The following PSMA6 variants were observed in gnomAD, a reference collection of about 807,000 sequenced individuals.
PSMA6 encodes the protein proteasome 20S subunit alpha 6, also known as proteasome subunit alpha type-6.
For missense variants in PSMA6, 170 were observed against 294.8 expected, an observed-to-expected ratio of 0.58 and a Z score of 3.10; for synonymous variants, 88 against 97.7, an observed-to-expected ratio of 0.90 and a Z score of 0.59.
intron 1 of PSMA6, among the ~76,000 whole-genome samples, chr14:35,296,989 C>G (rs1294326486): frequency 6.7e-6 from 1 of 149,640 alleles, no homozygotes; most frequent in African/African-American, 2.5e-5. Context: ...ATGACCCCAC[C>G]CCCTTGAGGA....
upstream of PSMA6, among the ~76,000 whole-genome samples, chr14:35,289,024 G>C (rs2138707875): frequency 6.6e-6 from 1 of 152,248 alleles, no homozygotes; most frequent in Middle Eastern, 3.4e-3. Flanking sequence ...TGTGGCTCAA[G>C]ACAATTCTTC....
Position 35,283,712 on chromosome 14 carries a change from A to G in PSMA6, c.19+4994A>G, listed in dbSNP as rs2051392895. ...CTGGGACCGCTGGCACACACCCTATAAGGTGGACACCACCACACCTGGTTA... is the reference window on the plus strand; with the variant it reads ...CTGGGACCGCTGGCACACACCCTATGAGGTGGACACCACCACACCTGGTTA... On this transcript the variant is annotated intron_variant, in intron 1 of 6. Coordinates refer to the PSMA6 transcript ENST00000540871. Among the ~76,000 whole-genome samples, 2 of 152,000 alleles carry G rather than the reference A, an allele frequency of 1.3e-5. 1 individual carries two copies. Among genetic ancestry groups the G allele is most frequent in the South Asian group, 4.2e-4 (2 of 4,816 alleles).
At chr14:35,289,482 CCATTA>C (rs1260620188), upstream of PSMA6, among the ~76,000 whole-genome samples, 5 of 151,972 alleles carry the variant, frequency 3.3e-5, no homozygotes, top group South Asian at 2.1e-4. Context: ...CAGGTGCACA[CCATTA>C]CTGCATGGCT....
rs534885534 is a variant in PSMA6 at position 35,302,592 on chromosome 14, T to G, written c.77-5402T>G. ...TCTTTTGCCATATTTTTAACATTTT[T>G]AGCCATTATTTCTTCAGATTTTGTT... On this transcript the variant is annotated intron_variant, in intron 1 of 6. Transcript: ENST00000261479. 3.3e-5 allele frequency among the ~76,000 whole-genome samples: 5 copies of G among 152,274 alleles called. No homozygotes were observed. The South Asian group carries it at 8.3e-4, about 25-fold the overall frequency.
intron 1 of PSMA6, among the ~76,000 whole-genome samples, chr14:35,285,347 ACAAAAAAC>A (rs1566548057): frequency 2.8e-5 from 1 of 35,594 alleles, no homozygotes; most frequent in African/African-American, 4.6e-5. Context: ...CTCAAAAAAA[ACAAAAAAC>A]AAAAAAAAAA....
rs1308968791 is a variant in PSMA6, at chr14:35,314,320, C to T, written c.589-41C>T. ...TAGGAATGAGAAAACCTTGGAATCT[C>T]TAAAAAATACTATATTTTAACATTA... On this transcript the variant is annotated intron_variant, in intron 5 of 6. Transcript: ENST00000261479. 18 of 1,517,124 alleles carry T rather than the reference C, an allele frequency of 1.2e-5. No homozygotes were observed. In the South Asian group the frequency reaches 2.3e-4, roughly 19 times the overall value. The allele number at this position is 1,517,124 out of a possible 1,614,324, so 94.0% of individuals were successfully genotyped here.
chr14:35,283,733 G>A (rs772411873), intron 1 of PSMA6, among the ~76,000 whole-genome samples: 3 of 151,608 alleles, frequency 2.0e-5, no homozygotes, highest in Non-Finnish European at 4.4e-5. Flanking sequence ...CACCACACCT[G>A]GTTAATTTAT....
rs12587884 is a variant in PSMA6 at position 35,279,138 on chromosome 14, C to G, written c.19+420C>G. 3.9e-5 allele frequency among the ~76,000 whole-genome samples: 6 copies of G among 152,256 alleles called. No individual in the cohort carries two copies. The East Asian group carries it at 1.2e-3, about 29-fold the overall frequency. ...TCTCGGCTCACTGCAACCTCCGCCTCCCTGGTTCAAGCAATTCTCCTGCTT... is the reference window on the plus strand; with the variant it reads ...TCTCGGCTCACTGCAACCTCCGCCTGCCTGGTTCAAGCAATTCTCCTGCTT... On this transcript the variant is annotated intron_variant, in intron 1 of 6. Coordinates refer to the PSMA6 transcript ENST00000540871.
At chr14:35,304,266 C>G (rs1366638503) in intron 1 of PSMA6, among the ~76,000 whole-genome samples, 1 of 152,142 alleles carries the variant, frequency 6.6e-6, no homozygotes, top group African/African-American at 2.4e-5. Flanking sequence ...AGCCACCACG[C>G]CTGGCCAAGC....
upstream of PSMA6, among the ~76,000 whole-genome samples, chr14:35,291,296 C>G (rs1282346005): frequency 6.6e-6 from 1 of 151,730 alleles, no homozygotes; most frequent in Non-Finnish European, 1.5e-5. Context: ...CGGCTCACTG[C>G]AAGCTCCGCC....
At position 35,308,434 on chromosome 14, in the gene PSMA6, A is replaced by G. The variant is rs183487481; in HGVS notation, c.171+346A>G. ...GCAACTCCGTCTCAAAAAAAAAAAGAAAAAAGAAAAGAAAAAAGAATTTTT... is the reference window on the plus strand; with the variant it reads ...GCAACTCCGTCTCAAAAAAAAAAAGGAAAAAGAAAAGAAAAAAGAATTTTT... On this transcript the variant is annotated intron_variant, in intron 2 of 6. Coordinates refer to ENST00000261479, the MANE Select transcript of PSMA6 (RefSeq NM_002791.3). The G allele has an allele frequency of 5.0e-3, 924 of 186,248 alleles. 10 individuals are homozygous for G. The highest frequency in any genetic ancestry group is 0.021 in the African/African-American group (865 of 41,394). The allele number at this position is 186,248 out of a possible 1,614,324, so 11.5% of individuals were successfully genotyped here. A position where few individuals can be genotyped will look rare whatever the true frequency, so the allele number is the denominator to read the frequency against.
chr14:35,312,902 A>T lies in PSMA6; in HGVS notation c.431A>T (p.Asp144Val), dbSNP rs760285513. The T allele has an allele frequency of 1.9e-6, 3 of 1,593,936 alleles. No homozygotes were observed. Among genetic ancestry groups the T allele is most frequent in the Admixed American group, 3.6e-5 (2 of 55,144 alleles). ...LGCCMILIGIDEEQGPQVYKC... is the reference protein window; with the variant it reads ...LGCCMILIGIVEEQGPQVYKC... ...TTAGGTATGATTTTAATTGGTATAG[A>T]TGAAGAGCAAGGCCCTCAGGTATAT... is the stretch of plus-strand genomic sequence containing the variant. Residue 144 changes from aspartate (D) to valine (V), a missense_variant, in exon 5 of 7, where the codon GAT (aspartate) becomes GTT (valine). By Grantham distance (152) the Asp-to-Val change is radical. Transcript: ENST00000261479.
rs745601960 is a variant in PSMA6, at chr14:35,317,278, A to G, written c.713A>G (p.His238Arg). The part of the protein sequence containing the change: ...RILTEAEIDA[H>R]LVALAERD ...CTTACAGAAGCAGAGATTGATGCTC[A>G]CCTTGTTGCTCTAGCAGAGAGAGAC... is the stretch of plus-strand genomic sequence containing the variant. The change falls in exon 7 of 7, where the codon CAC becomes CGC. Residue 238 changes from histidine (H) to arginine (R), a missense_variant. His to Arg is a conservative substitution (Grantham distance 29). Coordinates refer to ENST00000261479, the MANE Select transcript of PSMA6 (RefSeq NM_002791.3). 4 of 1,612,390 alleles carry G rather than the reference A, an allele frequency of 2.5e-6. No homozygotes were observed. The highest frequency in any genetic ancestry group is 3.4e-6 in the Non-Finnish European group (4 of 1,179,138).
At chr14:35,316,991 C>T in intron 6 of PSMA6, 1 of 339,076 alleles carries the variant, frequency 2.9e-6, no homozygotes. Flanking sequence ...ATTTTATTTT[C>T]AAGATACAAT....
intron 1 of PSMA6, chr14:35,292,940 C>T (rs1425731349): frequency 2.1e-6 from 1 of 465,696 alleles, no homozygotes; most frequent in Non-Finnish European, 4.3e-6. Flanking sequence ...TCTCCGTTTT[C>T]CTTTGTTTGC....
chr14:35,301,422 G>A (rs535938487), intron 1 of PSMA6, among the ~76,000 whole-genome samples: 13 of 151,952 alleles, frequency 8.6e-5, no homozygotes, highest in East Asian at 3.9e-4. Context: ...CAGGAGAATC[G>A]CTTGAACCTG....
rs1359846719 is a variant in PSMA6, at chr14:35,292,527, A to G, written c.51A>G (p.Ser17=). ...TTGACCGCCACATTACCATTTTTTC[A>G]CCCGAGGGTCGGCTCTACCAAGTAG... ...AGFDRHITIF[S]PEGRLYQVEY... Residue 17 remains serine, a synonymous_variant, in exon 1 of 7, where the codon TCA becomes TCG. Coordinates refer to ENST00000261479, the MANE Select transcript of PSMA6 (RefSeq NM_002791.3). 1 of 1,613,186 alleles carries G rather than the reference A, an allele frequency of 6.2e-7. No individual in the cohort carries two copies. Among genetic ancestry groups the G allele is most frequent in the Non-Finnish European group, 8.5e-7 (1 of 1,179,618 alleles).
intron 1 of PSMA6, 174 bp downstream of exon 1, chr14:35,292,726 C>G (rs2051509587): frequency 8.0e-7 from 1 of 1,251,146 alleles, no homozygotes; most frequent in Admixed American, 2.9e-5. Context: ...CGTCTGGACG[C>G]AGGGATCGGG....
Position 35,308,938 on chromosome 14 carries a change from G to C in PSMA6, c.196G>C (p.Val66Leu). The C allele has an allele frequency of 6.2e-7, 1 of 1,609,300 alleles. No homozygotes were observed. The highest frequency in any genetic ancestry group is 8.5e-7 in the Non-Finnish European group (1 of 1,177,130). ...GGACAAATTATTGGATTCCAGCACAGTGACTCACTTATTCAAGATAACTGA... is the reference window on the plus strand; with the variant it reads ...GGACAAATTATTGGATTCCAGCACACTGACTCACTTATTCAAGATAACTGA... ...VPDKLLDSST[V>L]THLFKITENI... The change falls in exon 3 of 7, where the codon GTG (valine) becomes CTG (leucine). Residue 66 changes from valine to leucine, a missense_variant. Val to Leu is a conservative substitution (Grantham distance 32). Transcript: ENST00000261479.
Sources: gnomAD v4.1 joint callset for allele counts (sites outside exome capture counted in the v4.1 genomes callset) on GRCh38, gnomAD v4.1.1 for gene constraint, MANE v1.5 for transcripts, NCBI Gene and HGNC (gene_info 2026-07-23, HGNC 2026-07-21) for gene names.